Variants in ATP2B4 observed in about 807,000 individuals in gnomAD.
ATP2B4 encodes ATPase plasma membrane Ca2+ transporting 4, also known as plasma membrane calcium-transporting ATPase 4.
Under a neutral mutation model 110.3 loss-of-function variants are expected in ATP2B4, and 39 were observed. That is an observed-to-expected ratio of 0.35 (90% confidence interval 0.27 to 0.46). The LOEUF is 0.46. Ranked by LOEUF, ATP2B4 falls within the 20% of genes least tolerant of loss-of-function variation. The pLI, the probability that ATP2B4 is intolerant of heterozygous loss-of-function variation, is 1.00. For synonymous variants in ATP2B4, 538 were observed against 571.7 expected (o/e 0.94, Z 0.84); for missense variants, 1,135 against 1,530.9 (o/e 0.74, Z 4.32).
rs1192591511 is a variant in ATP2B4 at position 203,627,085 on chromosome 1, G to GAA, written c.-598_-597insAA. Reference sequence around the variant, plus strand: ...CCCGGCCTTAGCCAGAAAGGCAAGAGAGCAAAGCCAGCGTCTCTAGCTTGG... The same window carrying GAA: ...CCCGGCCTTAGCCAGAAAGGCAAGAGAAAGCAAAGCCAGCGTCTCTAGCTTGG... On this transcript the variant is annotated 5_prime_UTR_variant, in exon 1 of 21. Transcript: ENST00000357681. The GAA allele has an allele frequency of 8.5e-5, 13 of 152,304 alleles. No individual in the cohort carries two copies. Among genetic ancestry groups the GAA allele is most frequent in the African/African-American group, 3.1e-4 (13 of 41,474 alleles). 9.4% of individuals were successfully genotyped at this position (152,304 alleles called of 1,614,324 possible).
chr1:203,701,724 C>G (rs1041475653), intron 6 of ATP2B4, among the ~76,000 whole-genome samples: 1 of 152,318 alleles, frequency 6.6e-6, no homozygotes, highest in African/African-American at 2.4e-5. Flanking sequence ...CAGGCAGAAA[C>G]GGTTCAAACC....
At chr1:203,628,002 A>G (rs920540921) in intron 1 of ATP2B4, among the ~76,000 whole-genome samples, 2 of 152,182 alleles carry the variant, frequency 1.3e-5, no homozygotes, top group African/African-American at 4.8e-5. Flanking sequence ...ACCGCCCCAC[A>G]CATCTCTGGT....
intron 10 of ATP2B4, 102 bp from the exon 11 acceptor site, chr1:203,709,198 AG>A: frequency 7.0e-7 from 1 of 1,431,556 alleles, no homozygotes; most frequent in South Asian, 1.3e-5. Context: ...TATGAGCTCC[AG>A]GTATATAATG....
intron 2 of ATP2B4, 133 bp downstream of exon 2, chr1:203,683,531 G>A (rs1316390470): frequency 1.2e-5 from 10 of 843,904 alleles, no homozygotes; most frequent in African/African-American, 1.7e-5. Flanking sequence ...GAAAGGTATG[G>A]CATCTGAAGC....
At chr1:203,644,902 T>A (rs931970604) in intron 1 of ATP2B4, among the ~76,000 whole-genome samples, 1 of 152,208 alleles carries the variant, frequency 6.6e-6, no homozygotes, top group South Asian at 2.1e-4. Flanking sequence ...CCCCGCTCTG[T>A]ATGACTCTAT....
rs759042641 is a variant in ATP2B4 at position 203,727,430 on chromosome 1, C to T, written c.3168C>T (p.Phe1056=). Residue 1056 remains phenylalanine, a synonymous_variant, in exon 20 of 21, where the codon TTC becomes TTT. Coordinates refer to ENST00000357681, the MANE Select transcript of ATP2B4 (RefSeq NM_001684.5). ...CAATACCTACCCGATCCCTGAAGTT[C>T]CTGAAGGAGGCTGGGCATGGCACCA... is the stretch of plus-strand genomic sequence containing the variant. ...ISAIPTRSLK[F]LKEAGHGTTK... 2 of 1,614,178 alleles carry T rather than the reference C, an allele frequency of 1.2e-6. No homozygotes were observed. The highest frequency in any genetic ancestry group is 1.7e-5 in the Admixed American group (1 of 60,024).
intron 2 of ATP2B4, among the ~76,000 whole-genome samples, chr1:203,697,884 T>G (rs1401917723): frequency 6.6e-6 from 1 of 152,172 alleles, no homozygotes; most frequent in African/African-American, 2.4e-5. Flanking sequence ...TTTGTCTTTT[T>G]TGTGGAGACA....
intron 20 of ATP2B4, chr1:203,728,204 T>C (rs1446906727): frequency 2.1e-6 from 1 of 470,030 alleles, no homozygotes; most frequent in Non-Finnish European, 4.4e-6. Flanking sequence ...CAATAATTTC[T>C]TCAAGCCTCT....
chr1:203,638,412 T>A (rs1330403881), intron 1 of ATP2B4, among the ~76,000 whole-genome samples: 2 of 152,206 alleles, frequency 1.3e-5, no homozygotes, highest in Non-Finnish European at 2.9e-5. Flanking sequence ...TGGGGAGCAC[T>A]CGTACGACAT....
intron 20 of ATP2B4, among the ~76,000 whole-genome samples, chr1:203,731,932 A>G (rs1666732362): frequency 6.6e-6 from 1 of 151,360 alleles, no homozygotes. Flanking sequence ...TAATCCCAGC[A>G]CTTTGGGAGG....
intron 1 of ATP2B4, among the ~76,000 whole-genome samples, chr1:203,670,859 C>T (rs1664641296): frequency 2.0e-5 from 3 of 152,184 alleles, no homozygotes; most frequent in Admixed American, 6.5e-5. Context: ...TCCCCCTTCT[C>T]CTGCCCTCTC....
chr1:203,734,789 G>A (rs1054550996), intron 20 of ATP2B4, among the ~76,000 whole-genome samples: 1 of 151,242 alleles, frequency 6.6e-6, no homozygotes, highest in African/African-American at 2.4e-5. Flanking sequence ...TGGATCATAA[G>A]GTCAGGAGTT....
chr1:203,645,147 C>A (rs541015836), intron 1 of ATP2B4, among the ~76,000 whole-genome samples: 8 of 152,332 alleles, frequency 5.3e-5, no homozygotes, highest in African/African-American at 1.9e-4. Context: ...AGCTTATCTC[C>A]TGCACCTAGT....
intron 8 of ATP2B4, 92 bp downstream of exon 8, chr1:203,703,905 C>A: frequency 1.4e-6 from 2 of 1,445,302 alleles, no homozygotes; most frequent in Non-Finnish European, 1.8e-6. Context: ...CCGAGACTGG[C>A]AGAAAGAAGC....
At position 203,683,103 on chromosome 1, in the gene ATP2B4, C is replaced by G. The variant is rs1249470846; in HGVS notation, c.-103C>G. 4 of 1,364,506 alleles carry G rather than the reference C, an allele frequency of 2.9e-6. No individual in the cohort carries two copies. The South Asian group carries it at 4.3e-5, about 15-fold the overall frequency. 84.5% of individuals were successfully genotyped at this position (1,364,506 alleles called of 1,614,324 possible). On this transcript the variant is annotated 5_prime_UTR_variant, in exon 2 of 21. Coordinates refer to ENST00000357681, the MANE Select transcript of ATP2B4 (RefSeq NM_001684.5). Reference sequence around the variant, plus strand: ...TTCCCTCACTGGGCCCCCAGAGAAGCAAGAAGTAGGAAGAAGTTGAGACAG... The same window carrying G: ...TTCCCTCACTGGGCCCCCAGAGAAGGAAGAAGTAGGAAGAAGTTGAGACAG...
chr1:203,688,667 A>G (rs1334245291), intron 2 of ATP2B4, among the ~76,000 whole-genome samples: 1 of 152,106 alleles, frequency 6.6e-6, no homozygotes, highest in Non-Finnish European at 1.5e-5. Flanking sequence ...GAGTAAGAGG[A>G]GTTGCCCCAG....
At position 203,743,920 on chromosome 1, in the gene ATP2B4, A is replaced by G. The variant is rs1321073697; in HGVS notation, c.*4066A>G. The G allele has an allele frequency of 6.6e-6, 1 of 152,630 alleles. No homozygotes were observed. The highest frequency in any genetic ancestry group is 2.4e-5 in the African/African-American group (1 of 41,448). The allele number at this position is 152,630 out of a possible 1,614,324, so 9.5% of individuals were successfully genotyped here. A position where few individuals can be genotyped will look rare whatever the true frequency, so the allele number is the denominator to read the frequency against. On this transcript the variant is annotated 3_prime_UTR_variant, in exon 21 of 21. Coordinates refer to ENST00000357681, the MANE Select transcript of ATP2B4 (RefSeq NM_001684.5). ...ATGGTTCTTAGGGAAAAAAAATGCTATAAACTGCAAATCTGAAATTCAAAT... is the reference window on the plus strand; with the variant it reads ...ATGGTTCTTAGGGAAAAAAAATGCTGTAAACTGCAAATCTGAAATTCAAAT...
At chr1:203,660,399 G>A (rs1244649651) in intron 1 of ATP2B4, among the ~76,000 whole-genome samples, 1 of 152,110 alleles carries the variant, frequency 6.6e-6, no homozygotes, top group Non-Finnish European at 1.5e-5. Context: ...ACGCCATTGG[G>A]GTGAGAATGT....
At chr1:203,734,955 G>C (rs1666839546) in intron 20 of ATP2B4, among the ~76,000 whole-genome samples, 3 of 116,776 alleles carry the variant, frequency 2.6e-5, no homozygotes, top group Non-Finnish European at 4.8e-5. Flanking sequence ...GGTGAGCCAA[G>C]ATGCTCTACT....
Sources: allele counts gnomAD v4.1 joint callset (sites outside exome capture counted in the v4.1 genomes callset), GRCh38; gene constraint gnomAD v4.1.1; transcripts MANE v1.5; gene names NCBI Gene and HGNC (gene_info 2026-07-23, HGNC 2026-07-21).